PPL: variants seen among roughly 807,000 people sequenced by gnomAD.
The protein encoded by PPL is periplakin, also known as 190 kDa paraneoplastic pemphigus antigen.
In PPL, 198 loss-of-function variants were observed where a neutral mutation model predicts 194.4. The ratio of observed to expected loss-of-function variants is 1.02; its 90% confidence interval spans 0.91 to 1.15. The LOEUF (loss-of-function observed/expected upper bound fraction) is 1.15, where lower values mean the gene tolerates loss of function less well. Ranked by LOEUF, PPL falls within the 50% of genes most tolerant of loss-of-function variation. PPL has a pLI of 0.00. For missense variants in PPL, 2,885 were observed against 2,294.8 expected, an observed-to-expected ratio of 1.26 and a Z score of -5.25; for synonymous variants, 1,220 against 972.4, an observed-to-expected ratio of 1.25 and a Z score of -4.74.
At position 4,883,133 on chromosome 16, in the gene PPL, G is replaced by A. The variant is rs2088131432; in HGVS notation, c.*251C>T. ...GAGTGTACAGGAAAAGGGAGGAAAA[G>A]GCATCGCAGTTGTCCAGTCATTGGA... On this transcript the variant is annotated 3_prime_UTR_variant, in exon 22 of 22. Transcript: ENST00000345988. This position sits in a 1 kb window ranked among gnomAD's most constrained non-coding sequence, Gnocchi z 4.8. 3.9e-6 allele frequency: 2 copies of A among 507,676 alleles called. No individual in the cohort carries two copies. Among genetic ancestry groups the A allele is most frequent in the Non-Finnish European group, 3.5e-6 (1 of 283,160 alleles). The allele number at this position is 507,676 out of a possible 1,614,324, so 31.4% of individuals were successfully genotyped here.
At chr16:4,888,293 C>G in intron 19 of PPL, 75 bp from the exon 20 acceptor site, 1 of 1,045,094 alleles carries the variant, frequency 9.6e-7, no homozygotes, top group East Asian at 2.4e-5. Context: ...TGTACCCCTT[C>G]AGGCTGACCC....
At chr16:4,935,167 C>A (rs1342095406) in intron 1 of PPL, among the ~76,000 whole-genome samples, 1 of 152,204 alleles carries the variant, frequency 6.6e-6, no homozygotes, top group Non-Finnish European at 1.5e-5. Flanking sequence ...CCAGTCCCTG[C>A]AGCTATAAAG....
intron 9 of PPL, among the ~76,000 whole-genome samples, chr16:4,896,953 T>A (rs938776292): frequency 4.0e-5 from 6 of 151,776 alleles, no homozygotes; most frequent in African/African-American, 1.2e-4. Flanking sequence ...GGGTTTCTGT[T>A]TGGGGTGATG....
At chr16:4,903,840 A>G in intron 3 of PPL, 46 bp downstream of exon 3, 1 of 1,606,900 alleles carries the variant, frequency 6.2e-7, no homozygotes, top group African/African-American at 1.3e-5. Context: ...GCCCTGGCCC[A>G]TAGCCCCCAA....
chr16:4,932,314 C>T (rs1028264139), intron 1 of PPL, among the ~76,000 whole-genome samples: 2 of 152,210 alleles, frequency 1.3e-5, no homozygotes, highest in African/African-American at 4.8e-5. Flanking sequence ...CCTCCCATAT[C>T]GATCAGGCGT....
intron 1 of PPL, among the ~76,000 whole-genome samples, chr16:4,928,281 T>G (rs1263581953): frequency 6.6e-6 from 1 of 152,254 alleles, no homozygotes; most frequent in Non-Finnish European, 1.5e-5. Flanking sequence ...GGACAGGGTT[T>G]CACCATGTTG....
At chr16:4,895,156 G>A (rs1234496751) in intron 11 of PPL, 105 bp downstream of exon 11, 70 of 1,368,218 alleles carry the variant, frequency 5.1e-5, no homozygotes, top group Admixed American at 1.1e-4. Context: ...CACCAACCAC[G>A]GAGACAGGCA....
chr16:4,927,741 T>C (rs1333361782), intron 1 of PPL, among the ~76,000 whole-genome samples: 1 of 152,206 alleles, frequency 6.6e-6, no homozygotes, highest in African/African-American at 2.4e-5. Flanking sequence ...TAATTCCAGG[T>C]CTGTTTTTAA....
intron 1 of PPL, among the ~76,000 whole-genome samples, chr16:4,917,391 A>T (rs941214935): frequency 6.6e-5 from 10 of 152,214 alleles, no homozygotes; most frequent in Non-Finnish European, 1.3e-4. Flanking sequence ...ATGCTCAGTG[A>T]GAGAAGCCAG....
intron 1 of PPL, among the ~76,000 whole-genome samples, chr16:4,915,023 G>C (rs1182795622): frequency 6.6e-6 from 1 of 152,238 alleles, no homozygotes; most frequent in Non-Finnish European, 1.5e-5. Flanking sequence ...TGCATCGTTA[G>C]GGTCTGTACT....
Position 4,911,395 on chromosome 16 carries a change from C to T in PPL, c.63-446G>A, listed in dbSNP as rs1284163753. ...CAGGCTGGTCTTGAACTCCTGACCT[C>T]AAGTGATCCACCTATCTTGGCCTCC... On this transcript the variant is annotated intron_variant, in intron 1 of 21. Transcript: ENST00000345988. Among the ~76,000 whole-genome samples the T allele has an allele frequency of 2.0e-5, 3 of 152,104 alleles. No individual in the cohort carries two copies. In the East Asian group the frequency reaches 5.8e-4, roughly 29 times the overall value.
At position 4,910,892 on chromosome 16, in the gene PPL, C is replaced by G; in HGVS notation, c.120G>C (p.Gln40His). The change falls in exon 2 of 22, where the codon CAG (glutamine) becomes CAC (histidine). Residue 40 changes from glutamine to histidine, a missense_variant. Physicochemically the swap from Gln to His is conservative, Grantham distance 24 (BLOSUM62 0). Transcript: ENST00000345988. ...CTGTGTCCACGATGTTCTTCTCCAC[C>G]TGGTCGGCATTCTTCTGCAGCTGCT... is the stretch of plus-strand genomic sequence containing the variant. ...LIEQLQKNAD[Q>H]VEKNIVDTEA... is the part of the protein sequence containing the mutation. 1 of 1,613,972 alleles carries G rather than the reference C, an allele frequency of 6.2e-7. No individual in the cohort carries two copies. The highest frequency in any genetic ancestry group is 8.5e-7 in the Non-Finnish European group (1 of 1,180,030).
intron 16 of PPL, 47 bp downstream of exon 16, chr16:4,891,759 ATGCTC>A: frequency 6.5e-7 from 1 of 1,545,096 alleles, no homozygotes; most frequent in Non-Finnish European, 8.7e-7. Context: ...GATGTGCCAG[ATGCTC>A]TCACCTGCTC....
Position 4,910,936 on chromosome 16 carries a change from C to A in PPL, c.76G>T (p.Glu26Ter), listed in dbSNP as rs1158700357. ...TVQTRSISNKELSELIEQLQK... is the reference protein window; with the variant it reads ...TVQTRSISNK Reference sequence around the variant, plus strand: ...AGCTGCTCGATCAGCTCCGAGAGCTCCTTGTTAGAGATGCTGCGGGCAGAA... The same window carrying A: ...AGCTGCTCGATCAGCTCCGAGAGCTACTTGTTAGAGATGCTGCGGGCAGAA... Residue 26 changes from glutamate (E) to a stop codon, truncating the protein, a stop_gained, in exon 2 of 22, where the codon GAG becomes TAG. Transcript: ENST00000345988. LOFTEE classifies it high-confidence loss of function. The A allele has an allele frequency of 5.0e-6, 8 of 1,612,754 alleles. No homozygotes were observed. The Admixed American group carries it at 1.3e-4, about 27-fold the overall frequency.
intron 6 of PPL, 118 bp from the exon 7 acceptor site, chr16:4,899,502 G>C (rs188579072): frequency 7.8e-5 from 109 of 1,389,778 alleles, no homozygotes; most frequent in Non-Finnish European, 1.0e-4. Flanking sequence ...CCAGCTATGG[G>C]TGGCCTGAGG....
intron 1 of PPL, among the ~76,000 whole-genome samples, chr16:4,916,993 G>T (rs914971437): frequency 1.3e-5 from 2 of 152,054 alleles, no homozygotes; most frequent in Admixed American, 6.6e-5. Context: ...TTAGCTGGGC[G>T]TGGTGGTATG....
At chr16:4,935,562 G>A (rs1373856265) in intron 1 of PPL, among the ~76,000 whole-genome samples, 1 of 152,172 alleles carries the variant, frequency 6.6e-6, no homozygotes, top group East Asian at 1.9e-4. Flanking sequence ...AGTCTCTGGG[G>A]TTGTGAAAGA....
At chr16:4,903,769 G>T in intron 3 of PPL, 117 bp downstream of exon 3, 1 of 1,211,164 alleles carries the variant, frequency 8.3e-7, no homozygotes, top group Non-Finnish European at 1.2e-6. Context: ...CACGTGCCTG[G>T]CACCTAATTA....
Position 4,897,680 on chromosome 16 carries a change from G to T in PPL, c.967C>A (p.His323Asn). ...ESHLKYMEDYHQFHEDVKDAQ... is the reference protein window; with the variant it reads ...ESHLKYMEDYNQFHEDVKDAQ... Reference sequence around the variant, plus strand: ...CTCCCAGGAAAGGTAAGTACCTGGTGGTAGTCCTCCATGTACTTGAGGTGG... The same window carrying T: ...CTCCCAGGAAAGGTAAGTACCTGGTTGTAGTCCTCCATGTACTTGAGGTGG... The change falls in exon 9 of 22, where the codon CAC becomes AAC. Residue 323 changes from histidine (H) to asparagine (N), a missense_variant. Transcript: ENST00000345988. 6.2e-7 allele frequency: 1 copy of T among 1,613,232 alleles called. No homozygotes were observed. The highest frequency in any genetic ancestry group is 1.1e-5 in the South Asian group (1 of 91,040).
Sources: gnomAD v4.1 joint callset for allele counts (sites outside exome capture counted in the v4.1 genomes callset) on GRCh38, gnomAD v4.1.1 for gene constraint, Gnocchi (gnomAD v3.1) non-coding constraint, MANE v1.5 for transcripts, NCBI Gene and HGNC (gene_info 2026-07-23, HGNC 2026-07-21) for gene names.